PHKG2: variants seen among roughly 807,000 people sequenced by gnomAD.
PHKG2 encodes phosphorylase b kinase gamma catalytic chain, liver/testis isoform.
Under a neutral mutation model 44.5 loss-of-function variants are expected in PHKG2, and 28 were observed. That is an observed-to-expected ratio of 0.63 (90% CI 0.47 to 0.86). The LOEUF (loss-of-function observed/expected upper bound fraction) is 0.86, where lower values mean the gene tolerates loss of function less well. Among genes scored for constraint, PHKG2 ranks in the 40% least tolerant of loss-of-function variants. The probability of loss-of-function intolerance (pLI) is 0.00; values close to 1 mark genes in which losing one functional copy is unlikely to be tolerated. For missense variants in PHKG2, 498 were observed against 547.5 expected (o/e 0.91, Z 0.90); for synonymous variants, 220 against 211.2 (o/e 1.04, Z -0.36).
At chr16:30,756,033 C>A in intron 6 of PHKG2, 149 bp from the exon 7 acceptor site, 1 of 765,290 alleles carries the variant, frequency 1.3e-6, no homozygotes, top group Non-Finnish European at 2.4e-6. Flanking sequence ...GGGATAGTGC[C>A]TCAGCAGGAG....
chr16:30,760,719 A>G lies in PHKG2; in HGVS notation c.*3622A>G, dbSNP rs4889505. On this transcript the variant is annotated 3_prime_UTR_variant, in exon 10 of 10. Transcript: ENST00000563588. ...TTGGTGGCCGTTACCTATCATGACAAGGCTGTGACAGCTAGTGCGTGAGAC... is the reference window on the plus strand; with the variant it reads ...TTGGTGGCCGTTACCTATCATGACAGGGCTGTGACAGCTAGTGCGTGAGAC... 0.99 allele frequency: 1,505,635 copies of G among 1,513,426 alleles called. 749,264 individuals carry two copies. Among genetic ancestry groups the G allele is most frequent in the Non-Finnish European group, 1 (1,112,525 of 1,112,598 alleles). 93.7% of individuals were successfully genotyped at this position (1,513,426 alleles called of 1,614,324 possible).
chr16:30,757,488 G>T lies in PHKG2; in HGVS notation c.*391G>T, dbSNP rs1316786591. 2 of 1,613,818 alleles carry T rather than the reference G, an allele frequency of 1.2e-6. No homozygotes were observed. The highest frequency in any genetic ancestry group is 1.7e-6 in the Non-Finnish European group (2 of 1,179,774). On this transcript the variant is annotated 3_prime_UTR_variant, in exon 10 of 10. Transcript: ENST00000563588. ...AAAATGTTGGGGGTCACTTGGTCTT[G>T]CTCTTGCCTTTACCCGGAGGTAGCT...
chr16:30,750,793 C>T (rs2053333863), intron 2 of PHKG2, among the ~76,000 whole-genome samples: 1 of 152,194 alleles, frequency 6.6e-6, no homozygotes, highest in Non-Finnish European at 1.5e-5. Flanking sequence ...TTTCTTTCCC[C>T]TTCCTGCAAG....
In PHKG2 at chr16:30,758,934, A is replaced by T; in HGVS notation, c.*1837A>T. On this transcript the variant is annotated 3_prime_UTR_variant, in exon 10 of 10. Coordinates refer to ENST00000563588, the MANE Select transcript of PHKG2 (RefSeq NM_000294.3). ...ACTCTGACTAAAAACAAAAAGTCTG[A>T]AGTCCTGATGTCATCCAAACCCTTC... 8.3e-6 allele frequency: 13 copies of T among 1,559,024 alleles called. No homozygotes were observed. Among genetic ancestry groups the T allele is most frequent in the Non-Finnish European group, 1.1e-5 (13 of 1,156,244 alleles).
chr16:30,751,777 C>T, intron 4 of PHKG2, 174 bp downstream of exon 4: 1 of 745,908 alleles, frequency 1.3e-6, no homozygotes, highest in Admixed American at 1.8e-5. Flanking sequence ...TCCCTTGGTG[C>T]CATGATTGAG....
In PHKG2 at chr16:30,760,722, C is replaced by G. The variant is rs547331495; in HGVS notation, c.*3625C>G. On this transcript the variant is annotated 3_prime_UTR_variant, in exon 10 of 10. Transcript: ENST00000563588. The stretch of plus-strand genomic sequence containing the variant: ...GTGGCCGTTACCTATCATGACAAGG[C>G]TGTGACAGCTAGTGCGTGAGACTGG... The G allele has an allele frequency of 6.7e-7, 1 of 1,483,378 alleles. No homozygotes were observed. Among genetic ancestry groups the G allele is most frequent in the African/African-American group, 1.4e-5 (1 of 71,786 alleles). The allele number at this position is 1,483,378 out of a possible 1,614,324, so 91.9% of individuals were successfully genotyped here. A position where few individuals can be genotyped will look rare whatever the true frequency, so the allele number is the denominator to read the frequency against.
In PHKG2 at chr16:30,761,073, A is replaced by G. The variant is rs2053743866; in HGVS notation, c.*3976A>G. ...GGAAAGCCAACTTCCAGTCACCTGG[A>G]GTAATTGCATCTCCAGGCCTCAGTC... is the stretch of plus-strand genomic sequence containing the variant. On this transcript the variant is annotated 3_prime_UTR_variant, in exon 10 of 10. Coordinates refer to ENST00000563588, the MANE Select transcript of PHKG2 (RefSeq NM_000294.3). The G allele has an allele frequency of 2.4e-5, 26 of 1,093,362 alleles. No individual in the cohort carries two copies. Among genetic ancestry groups the G allele is most frequent in the Non-Finnish European group, 1.6e-5 (12 of 756,076 alleles). The allele number at this position is 1,093,362 out of a possible 1,614,324, so 67.7% of individuals were successfully genotyped here.
chr16:30,756,169 CCTCT>C lies in PHKG2; in HGVS notation c.557-9_557-6del. 1 of 1,608,900 alleles carries C rather than the reference CCTCT, an allele frequency of 6.2e-7. No homozygotes were observed. Among genetic ancestry groups the C allele is most frequent in the Non-Finnish European group, 8.5e-7 (1 of 1,175,234 alleles). ...CTGGTGGCATCCCCTCAATCTTGGT[CCTCT>C]CTCCCCAGAGTTGTGTGGGACCCCA... On this transcript the variant is annotated splice_polypyrimidine_tract_variant and intron_variant, in intron 6 of 9. Coordinates refer to ENST00000563588, the MANE Select transcript of PHKG2 (RefSeq NM_000294.3).
At chr16:30,753,628 C>T in intron 6 of PHKG2, 71 bp downstream of exon 6, 1 of 1,468,890 alleles carries the variant, frequency 6.8e-7, no homozygotes, top group Non-Finnish European at 9.5e-7. Flanking sequence ...TTGGCTGGGT[C>T]TGAGTACCAA....
rs556945561 is a variant in PHKG2, at chr16:30,748,481, G to C, written c.-28G>C. On this transcript the variant is annotated 5_prime_UTR_variant, in exon 1 of 10. Coordinates refer to ENST00000563588, the MANE Select transcript of PHKG2 (RefSeq NM_000294.3). ...CGCGTCGACCCTGGCTCCTCTGCCT[G>C]CCCCCTCAGGTGAGCCTGCGCTAGA... 8 of 372,470 alleles carry C rather than the reference G, an allele frequency of 2.1e-5. No individual in the cohort carries two copies. Among genetic ancestry groups the C allele is most frequent in the Non-Finnish European group, 2.0e-5 (4 of 202,964 alleles). The allele number at this position is 372,470 out of a possible 1,614,324, so 23.1% of individuals were successfully genotyped here. A position where few individuals can be genotyped will look rare whatever the true frequency, so the allele number is the denominator to read the frequency against.
At chr16:30,752,385 C>CT (rs1480555416) in intron 4 of PHKG2, 3 of 149,564 alleles carry the variant, frequency 2.0e-5, no homozygotes, top group Non-Finnish European at 4.4e-5. Flanking sequence ...GAGCGAGACT[C>CT]TATCTCCAAA....
intron 4 of PHKG2, chr16:30,752,741 A>G: frequency 3.9e-6 from 1 of 253,236 alleles, no homozygotes; most frequent in Non-Finnish European, 7.8e-6. Context: ...ACACTCCCCA[A>G]AACAGCACCT....
Position 30,760,642 on chromosome 16 carries a change from T to C in PHKG2, c.*3545T>C, listed in dbSNP as rs370274490. 5.1e-6 allele frequency: 8 copies of C among 1,555,308 alleles called. No homozygotes were observed. The highest frequency in any genetic ancestry group is 7.0e-6 in the Non-Finnish European group (8 of 1,148,778). On this transcript the variant is annotated 3_prime_UTR_variant, in exon 10 of 10. Transcript: ENST00000563588. ...AGCATTGGTGGTCTTCTCCAGCTGGTGCATGGAATGGACGTCCAGGTACTT... is the reference window on the plus strand; with the variant it reads ...AGCATTGGTGGTCTTCTCCAGCTGGCGCATGGAATGGACGTCCAGGTACTT...
chr16:30,760,419 C>T lies in PHKG2; in HGVS notation c.*3322C>T, dbSNP rs1485040962. Reference sequence around the variant, plus strand: ...GTGATGGCGTCCCTCAGGCTCTGCTCAGGACACCCTAGCTCCAGCAGCTCA... The same window carrying T: ...GTGATGGCGTCCCTCAGGCTCTGCTTAGGACACCCTAGCTCCAGCAGCTCA... On this transcript the variant is annotated 3_prime_UTR_variant, in exon 10 of 10. Transcript: ENST00000563588. 2.5e-6 allele frequency: 4 copies of T among 1,614,168 alleles called. No individual in the cohort carries two copies. The highest frequency in any genetic ancestry group is 1.7e-6 in the Non-Finnish European group (2 of 1,180,014).
At chr16:30,749,115 GTGC>G (rs201887712) in intron 2 of PHKG2, among the ~76,000 whole-genome samples, 200 bp downstream of exon 2, 544 of 38,728 alleles carry the variant, frequency 0.014, 101 homozygotes, top group Admixed American at 0.025. Context: ...GCTGCTGGTG[GTGC>G]TGGTGCTGGT....
intron 2 of PHKG2, among the ~76,000 whole-genome samples, chr16:30,749,280 CTGTGTG>C (rs66820167): frequency 2.0e-5 from 3 of 147,562 alleles, no homozygotes; most frequent in Non-Finnish European, 4.5e-5. Context: ...GTGTGTGTGT[CTGTGTG>C]TGTGTGTGTG....
intron 2 of PHKG2, 111 bp downstream of exon 2, chr16:30,749,026 T>TGTGTGTGTGTGTGTGTGTGTGTCTTTC (rs2053295170): frequency 2.3e-5 from 1 of 43,078 alleles, no homozygotes. Flanking sequence ...GTGGTGGTGG[T>TGTGTGTGTGTGTGTGTGTGTGTCTTTC]GGTGGTGGTG....
chr16:30,759,243 C>T lies in PHKG2; in HGVS notation c.*2146C>T, dbSNP rs374769997. On this transcript the variant is annotated 3_prime_UTR_variant, in exon 10 of 10. Coordinates refer to ENST00000563588, the MANE Select transcript of PHKG2 (RefSeq NM_000294.3). ...CATGTAAGTCAAAGACAGATCCAGC[C>T]GCACCTGGGAAGCAAGGCAGAGGGA... is the stretch of plus-strand genomic sequence containing the variant. The T allele has an allele frequency of 2.9e-5, 47 of 1,614,028 alleles. No individual in the cohort carries two copies. Among genetic ancestry groups the T allele is most frequent in the African/African-American group, 6.7e-5 (5 of 74,922 alleles).
At chr16:30,755,676 CAA>C (rs1233726156) in intron 6 of PHKG2, among the ~76,000 whole-genome samples, 1 of 145,382 alleles carries the variant, frequency 6.9e-6, no homozygotes, top group Non-Finnish European at 1.5e-5. Flanking sequence ...ACTCCATCTC[CAA>C]AAAAAAAAGA....
Sources: gnomAD v4.1 joint callset for allele counts (sites outside exome capture counted in the v4.1 genomes callset) on GRCh38, gnomAD v4.1.1 for gene constraint, MANE v1.5 for transcripts, NCBI Gene and HGNC (gene_info 2026-07-23, HGNC 2026-07-21) for gene names.